The following GALNT13 variants were observed in gnomAD, a reference collection of about 807,000 sequenced individuals.
The protein encoded by GALNT13 is polypeptide N-acetylgalactosaminyltransferase 13.
Under a neutral mutation model 64.2 loss-of-function variants are expected in GALNT13, and 28 were observed. The observed-to-expected ratio is 0.44, with a 90% CI of 0.32 to 0.60. The LOEUF is 0.60. Among genes scored for constraint, GALNT13 ranks in the 20% least tolerant of loss-of-function variants. GALNT13 has a pLI of 0.05. For missense variants in GALNT13, 577 were observed against 669.8 expected, an observed-to-expected ratio of 0.86 and a Z score of 1.53; for synonymous variants, 214 against 224.6, an observed-to-expected ratio of 0.95 and a Z score of 0.42.
chr2:154,129,150 G>T (rs1319512511), intron 3 of GALNT13, among the ~76,000 whole-genome samples: 1 of 151,914 alleles, frequency 6.6e-6, no homozygotes, highest in Non-Finnish European at 1.5e-5. Flanking sequence ...TCCACTATAT[G>T]TGCCTCACCA....
chr2:153,301,969 C>T, the GALNT13 span, among the ~76,000 whole-genome samples: 1 of 151,364 alleles, frequency 6.6e-6, no homozygotes, highest in Non-Finnish European at 1.5e-5. Flanking sequence ...TAGGTTGATT[C>T]CATATCTTGG....
the GALNT13 span, among the ~76,000 whole-genome samples, chr2:153,329,079 G>A: frequency 3.1e-3 from 464 of 152,126 alleles, 17 homozygotes; most frequent in East Asian, 0.081. Context: ...GACCTCTTGT[G>A]CTCCCTGGGT....
intron 4 of GALNT13, among the ~76,000 whole-genome samples, chr2:154,195,668 T>C (rs1391909204): frequency 1.3e-5 from 2 of 152,120 alleles, no homozygotes; most frequent in Non-Finnish European, 2.9e-5. Flanking sequence ...ATATAGGAGC[T>C]CAGAGCTTCT....
chr2:154,116,278 T>C (rs1199694097), intron 3 of GALNT13, among the ~76,000 whole-genome samples: 2 of 152,192 alleles, frequency 1.3e-5, no homozygotes, highest in African/African-American at 4.8e-5. Flanking sequence ...TTCCAAGTTT[T>C]AGGGTGCCAT....
chr2:154,375,134 C>A (rs543693864), intron 9 of GALNT13, among the ~76,000 whole-genome samples: 1 of 152,140 alleles, frequency 6.6e-6, no homozygotes, highest in Non-Finnish European at 1.5e-5. Flanking sequence ...ACTACAGGCG[C>A]CCGCCACCAA....
the GALNT13 span, among the ~76,000 whole-genome samples, chr2:153,746,888 T>C: frequency 2.6e-5 from 4 of 152,136 alleles, no homozygotes; most frequent in Non-Finnish European, 5.9e-5. Flanking sequence ...GGATATAATT[T>C]CTGTAAAAAA....
At chr2:154,372,090 T>C (rs1476694450) in intron 9 of GALNT13, among the ~76,000 whole-genome samples, 2 of 152,098 alleles carry the variant, frequency 1.3e-5, no homozygotes, top group Non-Finnish European at 2.9e-5. Flanking sequence ...TTTCAGTCAA[T>C]AGTACAGAAA....
chr2:154,147,390 T>C lies in GALNT13; in HGVS notation c.311+6885T>C, dbSNP rs1228048905. Among the ~76,000 whole-genome samples the C allele has an allele frequency of 2.0e-5, 3 of 149,122 alleles. No homozygotes were observed. The Admixed American group carries it at 2.0e-4, about 10-fold the overall frequency. ...ATATTTGAATGGAATTTTATATATA[T>C]ATATATATATATCTCCTAGTATGTG... On this transcript the variant is annotated intron_variant, in intron 4 of 12. Coordinates refer to ENST00000392825, the MANE Select transcript of GALNT13 (RefSeq NM_052917.4).
At chr2:154,241,592 A>T (rs1361001694) in intron 4 of GALNT13, among the ~76,000 whole-genome samples, 1 of 152,200 alleles carries the variant, frequency 6.6e-6, no homozygotes, top group Non-Finnish European at 1.5e-5. Context: ...TAGATTTAGA[A>T]CAGAAAAATC....
the GALNT13 span, among the ~76,000 whole-genome samples, chr2:153,148,543 C>T: frequency 6.7e-6 from 1 of 149,708 alleles, no homozygotes; most frequent in Non-Finnish European, 1.5e-5. Context: ...AGATAGAACG[C>T]AAGACTTTTC....
chr2:153,754,756 T>C, the GALNT13 span, among the ~76,000 whole-genome samples: 1 of 152,110 alleles, frequency 6.6e-6, no homozygotes, highest in South Asian at 2.1e-4. Context: ...AGGACTCACC[T>C]AAAAGTTGTA....
At chr2:153,517,554 C>G in the GALNT13 span, among the ~76,000 whole-genome samples, 1 of 152,006 alleles carries the variant, frequency 6.6e-6, no homozygotes, top group African/African-American at 2.4e-5. Flanking sequence ...TGGAACAATT[C>G]GAGTCAGAAA....
At chr2:153,557,714 A>G in the GALNT13 span, among the ~76,000 whole-genome samples, 5 of 152,290 alleles carry the variant, frequency 3.3e-5, no homozygotes, top group South Asian at 1.0e-3. Flanking sequence ...AATGGTTTCA[A>G]TTGCTCTTAT....
chr2:153,931,420 T>A (rs767198161), intron 2 of GALNT13, among the ~76,000 whole-genome samples: 4 of 151,844 alleles, frequency 2.6e-5, no homozygotes, highest in Non-Finnish European at 5.9e-5. Context: ...CTTGTCTTTT[T>A]CTAGATCTTA....
chr2:153,731,923 T>C, the GALNT13 span, among the ~76,000 whole-genome samples: 3 of 151,990 alleles, frequency 2.0e-5, no homozygotes, highest in Admixed American at 2.0e-4. Flanking sequence ...TCTACTGTGG[T>C]ATGTAGCACA....
the GALNT13 span, among the ~76,000 whole-genome samples, chr2:153,586,081 G>A: frequency 6.6e-6 from 1 of 151,984 alleles, no homozygotes; most frequent in Non-Finnish European, 1.5e-5. Context: ...GAAGAGAAAG[G>A]AATCAAATGA....
At chr2:154,405,740 C>T (rs150544146) in intron 10 of GALNT13, among the ~76,000 whole-genome samples, 2,473 of 151,808 alleles carry the variant, frequency 0.016, 60 homozygotes, top group African/African-American at 0.056. Context: ...ACTATAATTC[C>T]GGGAAACTTT....
downstream of GALNT13, among the ~76,000 whole-genome samples, chr2:154,456,203 G>GTTGTTGTTGTTGTTT (rs1459134628): frequency 3.4e-5 from 5 of 147,894 alleles, no homozygotes; most frequent in Admixed American, 1.4e-4. Context: ...TGTTGTTGTT[G>GTTGTTGTTGTTGTTT]TTGTTGTTGT....
At chr2:154,310,254 A>G (rs981715082) in intron 9 of GALNT13, among the ~76,000 whole-genome samples, 1 of 152,160 alleles carries the variant, frequency 6.6e-6, no homozygotes, top group Admixed American at 6.6e-5. Flanking sequence ...TAAAAGGACT[A>G]TATCTGTTTT....
Sources: allele counts gnomAD v4.1 joint callset (sites outside exome capture counted in the v4.1 genomes callset), GRCh38; gene constraint gnomAD v4.1.1; transcripts MANE v1.5; gene names NCBI Gene and HGNC (gene_info 2026-07-23, HGNC 2026-07-21).